STPG2: variants seen among roughly 807,000 people sequenced by gnomAD.
STPG2 encodes the protein sperm tail PG-rich repeat containing 2, also known as sperm-tail PG-rich repeat-containing protein 2.
STPG2 carries 56 observed loss-of-function variants against 54.2 expected under a neutral mutation model. The ratio of observed to expected loss-of-function variants is 1.03; its 90% CI spans 0.83 to 1.29. The LOEUF (loss-of-function observed/expected upper bound fraction) is 1.29, where lower values mean the gene tolerates loss of function less well. Among genes scored for constraint, STPG2 ranks in the 50% most tolerant of loss-of-function variants. The probability of loss-of-function intolerance (pLI) is 0.00; values close to 1 mark genes in which losing one functional copy is unlikely to be tolerated. For missense variants in STPG2, 596 were observed against 544.9 expected, an observed-to-expected ratio of 1.09 and a Z score of -0.93; for synonymous variants, 200 against 181.8, an observed-to-expected ratio of 1.10 and a Z score of -0.81.
intron 4 of STPG2, among the ~76,000 whole-genome samples, chr4:97,474,435 A>G (rs1389823133): frequency 2.0e-5 from 3 of 152,162 alleles, no homozygotes; most frequent in Non-Finnish European, 2.9e-5. Context: ...TATCACTAGT[A>G]TTATGTAGAA....
At chr4:97,862,751 C>T (rs192584750) in intron 8 of STPG2, among the ~76,000 whole-genome samples, 3 of 151,890 alleles carry the variant, frequency 2.0e-5, no homozygotes, top group Admixed American at 6.6e-5. Flanking sequence ...ACTGTCTCTC[C>T]GACCACAGTG....
chr4:97,653,414 G>A (rs980770605), intron 10 of STPG2, among the ~76,000 whole-genome samples: 5 of 150,368 alleles, frequency 3.3e-5, no homozygotes, highest in Non-Finnish European at 7.4e-5. Flanking sequence ...GAAACTCTAC[G>A]TCTCTCTTCT....
intron 10 of STPG2, among the ~76,000 whole-genome samples, chr4:97,701,717 G>T (rs1020392945): frequency 6.6e-6 from 1 of 152,108 alleles, no homozygotes; most frequent in Non-Finnish European, 1.5e-5. Flanking sequence ...AATGCAGTAG[G>T]CTTCCTGTCA....
At chr4:97,478,385 C>A (rs1730130021) in intron 4 of STPG2, among the ~76,000 whole-genome samples, 1 of 152,098 alleles carries the variant, frequency 6.6e-6, no homozygotes, top group Admixed American at 6.5e-5. Flanking sequence ...TTACTTTTTA[C>A]AGTGACCTGA....
intron 8 of STPG2, among the ~76,000 whole-genome samples, chr4:97,864,726 A>G (rs1254003275): frequency 2.0e-5 from 3 of 152,162 alleles, no homozygotes; most frequent in Non-Finnish European, 4.4e-5. Context: ...ACAGCATGCT[A>G]CTGGTACCAA....
chr4:97,894,381 T>A (rs769025457), intron 8 of STPG2, among the ~76,000 whole-genome samples: 11 of 151,952 alleles, frequency 7.2e-5, no homozygotes, highest in Non-Finnish European at 1.6e-4. Flanking sequence ...CCATTGTAAC[T>A]ACTCTGAATA....
At chr4:97,849,746 G>A (rs2149129479) in intron 8 of STPG2, among the ~76,000 whole-genome samples, 1 of 151,266 alleles carries the variant, frequency 6.6e-6, no homozygotes, top group South Asian at 2.1e-4. Flanking sequence ...AGTTAGAATG[G>A]CAAGCATTAA....
intron 10 of STPG2, among the ~76,000 whole-genome samples, chr4:97,648,949 T>C (rs1721987779): frequency 6.6e-6 from 1 of 152,096 alleles, no homozygotes; most frequent in South Asian, 2.1e-4. Context: ...ATCCTACACA[T>C]CCAGGTTATA....
At chr4:97,784,068 T>TAAAAAAAAAAAAAA (rs554533523) in intron 9 of STPG2, among the ~76,000 whole-genome samples, 1 of 120,426 alleles carries the variant, frequency 8.3e-6, no homozygotes, top group Non-Finnish European at 1.8e-5. Context: ...AAAGTATAAT[T>TAAAAAAAAAAAAAA]AAAAAAAAAA....
chr4:97,970,269 A>G (rs1018275335), intron 7 of STPG2, among the ~76,000 whole-genome samples: 1 of 152,250 alleles, frequency 6.6e-6, no homozygotes, highest in Non-Finnish European at 1.5e-5. Context: ...ATCCCCATCA[A>G]GCTAACAATG....
intron 8 of STPG2, among the ~76,000 whole-genome samples, chr4:97,866,406 G>GT (rs1729781886): frequency 6.6e-6 from 1 of 151,780 alleles, no homozygotes; most frequent in Admixed American, 6.6e-5. Flanking sequence ...ACTAAAAAAT[G>GT]TTTTAAAAGA....
intron 8 of STPG2, among the ~76,000 whole-genome samples, chr4:97,848,127 A>C (rs1167199242): frequency 2.0e-5 from 3 of 152,198 alleles, no homozygotes; most frequent in African/African-American, 7.2e-5. Flanking sequence ...CTTGGCATCC[A>C]AAGCCTCTTT....
chr4:97,894,987 TTAAA>T (rs1730905089), intron 8 of STPG2, among the ~76,000 whole-genome samples: 1 of 151,926 alleles, frequency 6.6e-6, no homozygotes, highest in Admixed American at 6.6e-5. Flanking sequence ...TCTAAAGTTT[TTAAA>T]TAAATATGAC....
intron 5 of STPG2, among the ~76,000 whole-genome samples, chr4:98,097,209 C>A (rs1014654016): frequency 2.6e-5 from 4 of 151,988 alleles, no homozygotes; most frequent in African/African-American, 9.7e-5. Flanking sequence ...CCCTGACGAA[C>A]ATAGATGCAA....
intron 7 of STPG2, among the ~76,000 whole-genome samples, chr4:97,961,665 T>C (rs925765626): frequency 1.3e-5 from 2 of 152,176 alleles, no homozygotes; most frequent in African/African-American, 2.4e-5. Context: ...TGATACCACC[T>C]TACTCCTGCA....
chr4:97,697,707 G>A (rs1426568970), intron 10 of STPG2, among the ~76,000 whole-genome samples: 1 of 152,116 alleles, frequency 6.6e-6, no homozygotes, highest in African/African-American at 2.4e-5. Context: ...GCTCGTGATG[G>A]CTATGACACC....
At chr4:97,669,072 T>C (rs1480955890) in intron 10 of STPG2, among the ~76,000 whole-genome samples, 1 of 151,976 alleles carries the variant, frequency 6.6e-6, no homozygotes, top group Non-Finnish European at 1.5e-5. Flanking sequence ...AAGTCGTGTT[T>C]CAGAAACAAG....
rs1578493801 is a variant in STPG2 at position 97,703,969 on chromosome 4, C to T, written c.1320+8730G>A. 4.0e-5 allele frequency among the ~76,000 whole-genome samples: 6 copies of T among 151,866 alleles called. No individual in the cohort carries two copies. In the South Asian group the frequency reaches 1.2e-3, roughly 31 times the overall value. On this transcript the variant is annotated intron_variant, in intron 10 of 10. Transcript: ENST00000295268. ...TCTGAAGTTTGAAGGCAGAAAGCAT[C>T]CAGCATGAGAGAAAGATATAGGCTG...
At chr4:97,746,232 A>G (rs1357614498) in intron 9 of STPG2, among the ~76,000 whole-genome samples, 1 of 151,292 alleles carries the variant, frequency 6.6e-6, no homozygotes, top group Non-Finnish European at 1.5e-5. Flanking sequence ...AAACATATAA[A>G]TGTGTATCTT....
Sources: gnomAD v4.1 joint callset for allele counts (sites outside exome capture counted in the v4.1 genomes callset) on GRCh38, gnomAD v4.1.1 for gene constraint, MANE v1.5 for transcripts, NCBI Gene and HGNC (gene_info 2026-07-23, HGNC 2026-07-21) for gene names.